Variants in MAN1A1 observed in about 807,000 individuals in gnomAD.
The protein encoded by MAN1A1 is mannosyl-oligosaccharide 1,2-alpha-mannosidase IA.
Under a neutral mutation model 70.8 loss-of-function variants are expected in MAN1A1, and 29 were observed. The observed-to-expected ratio is 0.41, with a 90% confidence interval of 0.31 to 0.56. The LOEUF (loss-of-function observed/expected upper bound fraction) is 0.56. Among genes scored for constraint, MAN1A1 ranks in the 20% least tolerant of loss-of-function variants. MAN1A1 has a pLI of 0.29. For missense variants in MAN1A1, 747 were observed against 841.3 expected, an observed-to-expected ratio of 0.89 and a Z score of 1.39; for synonymous variants, 349 against 330.1, an observed-to-expected ratio of 1.06 and a Z score of -0.62.
At chr6:119,262,602 C>T (rs1035540820) in intron 5 of MAN1A1, among the ~76,000 whole-genome samples, 1 of 152,170 alleles carries the variant, frequency 6.6e-6, no homozygotes, top group Non-Finnish European at 1.5e-5. Context: ...AACAGAATTA[C>T]CACTCAACCC....
At chr6:119,239,639 A>T (rs1291672651) in intron 6 of MAN1A1, among the ~76,000 whole-genome samples, 1 of 152,218 alleles carries the variant, frequency 6.6e-6, no homozygotes, top group Non-Finnish European at 1.5e-5. Flanking sequence ...TCAACCATGT[A>T]TTCAAACTAT....
intron 6 of MAN1A1, among the ~76,000 whole-genome samples, chr6:119,220,553 A>G (rs772706582): frequency 6.6e-6 from 1 of 152,234 alleles, no homozygotes; most frequent in Non-Finnish European, 1.5e-5. Context: ...AAATGAGGAC[A>G]CTACAAGTAA....
At chr6:119,320,119 G>A (rs898542106) in intron 2 of MAN1A1, among the ~76,000 whole-genome samples, 15 of 152,072 alleles carry the variant, frequency 9.9e-5, no homozygotes, top group African/African-American at 3.1e-4. Flanking sequence ...GACTACAGGC[G>A]CTCACCACCA....
intron 11 of MAN1A1, among the ~76,000 whole-genome samples, chr6:119,185,248 C>A (rs138824932): frequency 6.6e-6 from 1 of 152,198 alleles, no homozygotes; most frequent in East Asian, 1.9e-4. Flanking sequence ...TTCTGTCAGG[C>A]AGACTCACAA....
At chr6:119,225,841 A>G (rs1774500037) in intron 6 of MAN1A1, among the ~76,000 whole-genome samples, 2 of 152,226 alleles carry the variant, frequency 1.3e-5, no homozygotes, top group Admixed American at 6.5e-5. Context: ...AAAGGGAAGT[A>G]TTTTTGGATT....
chr6:119,198,818 A>G lies in MAN1A1; in HGVS notation c.1210+2436T>C, dbSNP rs138847949. On this transcript the variant is annotated intron_variant, in intron 8 of 12. Coordinates refer to ENST00000368468, the MANE Select transcript of MAN1A1 (RefSeq NM_005907.4). ...CAAGACAAGTCAGCCTCACACAGTA[A>G]TACAGTCAGAAAAAGAAAGGATATT... Among the ~76,000 whole-genome samples, 97 of 152,358 alleles carry G rather than the reference A, an allele frequency of 6.4e-4. 3 individuals are homozygous for G. The East Asian group carries it at 0.014, about 22-fold the overall frequency.
intron 2 of MAN1A1, among the ~76,000 whole-genome samples, chr6:119,328,078 C>G (rs1773202910): frequency 1.3e-5 from 2 of 152,106 alleles, no homozygotes; most frequent in African/African-American, 4.8e-5. Context: ...CCAAACAAGG[C>G]CACTCTGACT....
intron 2 of MAN1A1, among the ~76,000 whole-genome samples, chr6:119,313,962 G>T (rs574273771): frequency 6.6e-6 from 1 of 150,498 alleles, no homozygotes; most frequent in South Asian, 2.1e-4. Context: ...TCAAAACTAC[G>T]CTGGCTAAGG....
intron 6 of MAN1A1, among the ~76,000 whole-genome samples, chr6:119,224,883 C>G (rs1421196089): frequency 1.3e-5 from 2 of 151,910 alleles, no homozygotes; most frequent in African/African-American, 4.8e-5. Flanking sequence ...AATCCCAGCA[C>G]TCTGGGAGGC....
At chr6:119,240,819 T>C (rs538817174) in intron 6 of MAN1A1, among the ~76,000 whole-genome samples, 3 of 152,340 alleles carry the variant, frequency 2.0e-5, no homozygotes, top group South Asian at 4.1e-4. Context: ...TAAATGTCCT[T>C]AGTTTGGTCA....
At position 119,314,045 on chromosome 6, in the gene MAN1A1, G is replaced by A. The variant is rs1470309963; in HGVS notation, c.604-7053C>T. The stretch of plus-strand genomic sequence containing the variant: ...TTTGCACTGCAACCTCTACTTTACA[G>A]GCACGCGTCTAGAACTAACCACTCT... On this transcript the variant is annotated intron_variant, in intron 2 of 12. Transcript: ENST00000368468. 4.6e-5 allele frequency among the ~76,000 whole-genome samples: 7 copies of A among 151,998 alleles called. No homozygotes were observed. The East Asian group carries it at 5.8e-4, about 13-fold the overall frequency.
chr6:119,272,171 T>C (rs1775943409), intron 5 of MAN1A1, among the ~76,000 whole-genome samples: 1 of 152,202 alleles, frequency 6.6e-6, no homozygotes, highest in South Asian at 2.1e-4. Context: ...AGTAAAATAT[T>C]ACAAAATTGT....
Position 119,197,001 on chromosome 6 carries a change from CA to C in MAN1A1, c.1211-3110del, listed in dbSNP as rs371602180. Among the ~76,000 whole-genome samples, 218 of 152,220 alleles carry C rather than the reference CA, an allele frequency of 1.4e-3. 6 individuals are homozygous for C. The South Asian group carries it at 0.043, about 30-fold the overall frequency. On this transcript the variant is annotated intron_variant, in intron 8 of 12. Coordinates refer to ENST00000368468, the MANE Select transcript of MAN1A1 (RefSeq NM_005907.4). ...GGGGCAACTGCTAAAAGAGAACAAG[CA>C]GAACAACCATTAAAAGCAGAGGCAG...
chr6:119,243,349 G>T (rs1775064009), intron 6 of MAN1A1, among the ~76,000 whole-genome samples: 1 of 151,964 alleles, frequency 6.6e-6, no homozygotes, highest in South Asian at 2.1e-4. Flanking sequence ...TTTCAAATCT[G>T]AAACCAGGAA....
chr6:119,332,538 C>G (rs183576445), intron 2 of MAN1A1, among the ~76,000 whole-genome samples: 43 of 152,254 alleles, frequency 2.8e-4, no homozygotes, highest in African/African-American at 9.9e-4. Flanking sequence ...GCCAACTGGC[C>G]GGGCACGGTG....
At position 119,260,976 on chromosome 6, in the gene MAN1A1, G is replaced by GCTTTTTTTTTTTTTTT. The variant is rs1554209499; in HGVS notation, c.898-12623_898-12622insAAAAAAAAAAAAAAAG. Among the ~76,000 whole-genome samples the GCTTTTTTTTTTTTTTT allele has an allele frequency of 2.7e-4, 31 of 116,950 alleles. 2 individuals carry two copies. Among genetic ancestry groups the GCTTTTTTTTTTTTTTT allele is most frequent in the Non-Finnish European group, 2.9e-4 (17 of 59,042 alleles). 76.7% of individuals were successfully genotyped at this position (116,950 alleles called of 152,430 possible). A position where few individuals can be genotyped will look rare whatever the true frequency, so the allele number is the denominator to read the frequency against. ...TATCTAAATGTCTTGTTTTTTTATT[G>GCTTTTTTTTTTTTTTT]TTTTTTTTTTTTTTTTTTTTGAGAT... On this transcript the variant is annotated intron_variant, in intron 5 of 12. Coordinates refer to ENST00000368468, the MANE Select transcript of MAN1A1 (RefSeq NM_005907.4).
chr6:119,226,033 G>A (rs1261557864), intron 6 of MAN1A1, among the ~76,000 whole-genome samples: 5 of 152,082 alleles, frequency 3.3e-5, no homozygotes, highest in African/African-American at 9.7e-5. Flanking sequence ...GAATTTTTTC[G>A]CAAAAGGTAA....
chr6:119,205,495 T>C (rs747542299), intron 6 of MAN1A1, among the ~76,000 whole-genome samples: 2 of 152,176 alleles, frequency 1.3e-5, no homozygotes, highest in Non-Finnish European at 2.9e-5. Context: ...TGATCAAGAA[T>C]CTCAACAAAA....
intron 6 of MAN1A1, among the ~76,000 whole-genome samples, chr6:119,209,090 C>CAAAAAAAA: frequency 1.1e-5 from 1 of 89,086 alleles, no homozygotes. Context: ...GACCCCGTCT[C>CAAAAAAAA]AAAAAAAAAA....
Sources: gnomAD v4.1 joint callset for allele counts (sites outside exome capture counted in the v4.1 genomes callset) on GRCh38, gnomAD v4.1.1 for gene constraint, MANE v1.5 for transcripts, NCBI Gene and HGNC (gene_info 2026-07-23, HGNC 2026-07-21) for gene names.